SMC2: variants seen among roughly 807,000 people sequenced by gnomAD.
SMC2 encodes the protein structural maintenance of chromosomes 2.
SMC2 carries 41 observed loss-of-function variants against 142.6 expected under a neutral mutation model. That is an observed-to-expected ratio of 0.29 (90% CI 0.22 to 0.37). The LOEUF (loss-of-function observed/expected upper bound fraction) is 0.37. Among genes scored for constraint, SMC2 ranks in the 10% least tolerant of loss-of-function variants. SMC2 has a pLI of 1.00. For synonymous variants in SMC2, 463 were observed against 457.5 expected, an observed-to-expected ratio of 1.01 and a Z score of -0.15; for missense variants, 1,265 against 1,373.7, an observed-to-expected ratio of 0.92 and a Z score of 1.25.
chr9:104,138,028 G>T lies in SMC2; in HGVS notation c.3280G>T (p.Ala1094Ser). ...CTGACCTTTTCTTAGGTCTTTAGTG[G>T]CCTTGTCATTAATACTGTCCATGCT... ...ELSGGQRSLV[A>S]LSLILSMLLF... Residue 1094 changes from alanine (A) to serine (S), a missense_variant, in exon 24 of 25, where the codon GCC becomes TCC. Ala to Ser is a moderately conservative substitution (Grantham distance 99). Coordinates refer to ENST00000374793, the MANE Select transcript of SMC2 (RefSeq NM_006444.3). 1 of 1,581,318 alleles carries T rather than the reference G, an allele frequency of 6.3e-7. No homozygotes were observed. Among genetic ancestry groups the T allele is most frequent in the South Asian group, 1.2e-5 (1 of 85,362 alleles).
At chr9:104,107,821 T>C (rs888272803) in intron 9 of SMC2, among the ~76,000 whole-genome samples, 2 of 152,226 alleles carry the variant, frequency 1.3e-5, no homozygotes, top group African/African-American at 4.8e-5. Flanking sequence ...TTATCTGTAG[T>C]GGGTTTTGAA....
At chr9:104,113,610 G>T (rs1342752149) in intron 11 of SMC2, 135 bp downstream of exon 11, 2 of 649,996 alleles carry the variant, frequency 3.1e-6, no homozygotes, top group Non-Finnish European at 4.8e-6. Context: ...AAGAAGTGTT[G>T]TAAATATCGT....
At chr9:104,092,241 A>G (rs1370670910), upstream of SMC2, 1 of 152,174 alleles carries the variant, frequency 6.6e-6, no homozygotes, top group Non-Finnish European at 1.5e-5. Context: ...TTTTCATTTT[A>G]ATCAATGGTC....
intron 11 of SMC2, among the ~76,000 whole-genome samples, chr9:104,113,749 T>C (rs772799530): frequency 2.0e-5 from 3 of 152,174 alleles, no homozygotes; most frequent in Non-Finnish European, 4.4e-5. Context: ...TCAGTTTGTA[T>C]GTTATTTTTT....
chr9:104,100,952 T>A (rs1831051226), intron 7 of SMC2, among the ~76,000 whole-genome samples: 1 of 152,190 alleles, frequency 6.6e-6, no homozygotes, highest in South Asian at 2.1e-4. Flanking sequence ...TACGTTTTCT[T>A]TTTCTTGAGA....
intron 16 of SMC2, among the ~76,000 whole-genome samples, chr9:104,121,264 G>A (rs1833698972): frequency 6.6e-6 from 1 of 152,068 alleles, no homozygotes; most frequent in South Asian, 2.1e-4. Context: ...AGGCTGAGGC[G>A]GGTGGATCGC....
Position 104,120,140 on chromosome 9 carries a change from G to A in SMC2, c.2110G>A (p.Gly704Ser), listed in dbSNP as rs902192890. 4.1e-5 allele frequency: 66 copies of A among 1,610,952 alleles called. No homozygotes were observed. The highest frequency in any genetic ancestry group is 5.1e-5 in the Non-Finnish European group (60 of 1,179,050). Residue 704 changes from glycine (G) to serine (S), a missense_variant, in exon 16 of 25, where the codon GGT becomes AGT. This residue lies in a region of SMC2 where 898 missense variants were observed against 904.2 expected (regional missense o/e 0.99). Transcript: ENST00000374793. ...ELRALEEELA[G>S]LKNTAEKYRQ... is the part of the protein sequence containing the mutation. ...GCGGGCTCTAGAAGAGGAATTAGCA[G>A]GTCTTAAAAACACTGCTGAAAAGTA... is the stretch of plus-strand genomic sequence containing the variant.
upstream of SMC2, among the ~76,000 whole-genome samples, chr9:104,093,733 T>C (rs1309460707): frequency 2.0e-5 from 3 of 152,124 alleles, no homozygotes; most frequent in Non-Finnish European, 4.4e-5. Flanking sequence ...AAACTTCAGA[T>C]AAAAACGCTC....
intron 12 of SMC2, 36 bp downstream of exon 12, chr9:104,114,117 TAATC>T (rs1212543696): frequency 8.2e-7 from 1 of 1,213,086 alleles, no homozygotes; most frequent in South Asian, 1.4e-5. Flanking sequence ...AACATAGTAA[TAATC>T]AAGACATTTT....
chr9:104,093,460 C>T (rs1340191004), upstream of SMC2, among the ~76,000 whole-genome samples: 1 of 152,146 alleles, frequency 6.6e-6, no homozygotes, highest in Non-Finnish European at 1.5e-5. Context: ...TCATTTAACT[C>T]ATTTGTAAAA....
intron 23 of SMC2, among the ~76,000 whole-genome samples, chr9:104,136,249 TTTATG>T (rs991711580): frequency 2.0e-5 from 3 of 152,144 alleles, no homozygotes; most frequent in African/African-American, 7.2e-5. Flanking sequence ...GTAACCCTTT[TTTATG>T]TACTTAGAAA....
Position 104,139,383 on chromosome 9 carries a change from T to A in SMC2, c.*68T>A. On this transcript the variant is annotated 3_prime_UTR_variant, in exon 25 of 25. Coordinates refer to ENST00000374793, the MANE Select transcript of SMC2 (RefSeq NM_006444.3). ...TAAACTTTTAAGGACTTGAGATAAC[T>A]AATTTGTTTATATACAAAAATTAAT... 12 of 1,276,822 alleles carry A rather than the reference T, an allele frequency of 9.4e-6. No homozygotes were observed. Among genetic ancestry groups the A allele is most frequent in the Non-Finnish European group, 1.3e-5 (12 of 926,158 alleles). 79.1% of individuals were successfully genotyped at this position (1,276,822 alleles called of 1,614,324 possible).
chr9:104,114,633 G>A, intron 12 of SMC2, 58 bp from the exon 13 acceptor site: 1 of 1,464,314 alleles, frequency 6.8e-7, no homozygotes. Flanking sequence ...GATGAGTAAA[G>A]TATAACTTTT....
intron 11 of SMC2, 123 bp from the exon 12 acceptor site, chr9:104,113,841 T>A: frequency 1.6e-6 from 1 of 624,582 alleles, no homozygotes; most frequent in Non-Finnish European, 2.7e-6. Flanking sequence ...GCATGCTTTT[T>A]TAATACTTAC....
chr9:104,136,207 AATT>A (rs1835512493), intron 23 of SMC2: 1 of 216,850 alleles, frequency 4.6e-6, no homozygotes, highest in African/African-American at 2.3e-5. Flanking sequence ...ATAGGCCTTG[AATT>A]ATTGTTCTCT....
intron 9 of SMC2, among the ~76,000 whole-genome samples, chr9:104,105,094 G>C (rs1831601402): frequency 6.6e-6 from 1 of 152,238 alleles, no homozygotes; most frequent in African/African-American, 2.4e-5. Context: ...CAGGTTTAGA[G>C]CAGTTGTCTA....
At chr9:104,096,104 G>C (rs1450589323) in intron 2 of SMC2, 44 bp from the exon 3 acceptor site, 2 of 1,581,224 alleles carry the variant, frequency 1.3e-6, no homozygotes, top group African/African-American at 2.7e-5. Flanking sequence ...GCTTTGTACG[G>C]TAGGGAGTTT....
rs182733927 is a variant in SMC2 at position 104,129,738 on chromosome 9, C to G, written c.2884C>G (p.Pro962Ala). Residue 962 changes from proline to alanine, a missense_variant, in exon 21 of 25, where the codon CCT becomes GCT. Coordinates refer to ENST00000374793, the MANE Select transcript of SMC2 (RefSeq NM_006444.3). ...NSAYDFKTNN[P>A]KEAGQRLQKL... ...TGCCTATGATTTCAAAACTAACAAC[C>G]CTAAAGAAGCTGGTCAGAGACTTCA... The G allele has an allele frequency of 3.4e-5, 55 of 1,613,736 alleles. No homozygotes were observed. The highest frequency in any genetic ancestry group is 6.7e-5 in the East Asian group (3 of 44,842).
chr9:104,099,586 T>G, intron 4 of SMC2, 58 bp from the exon 5 acceptor site: 1 of 1,094,232 alleles, frequency 9.1e-7, no homozygotes, highest in Non-Finnish European at 1.4e-6. Context: ...TGAATGGCAG[T>G]ACAGATAAAC....
Sources: allele counts gnomAD v4.1 joint callset (sites outside exome capture counted in the v4.1 genomes callset), GRCh38; gene constraint gnomAD v4.1.1; regional missense constraint gnomAD v4.1.1; transcripts MANE v1.5; gene names NCBI Gene and HGNC (gene_info 2026-07-23, HGNC 2026-07-21).